The following NAALADL2 variants were observed in gnomAD, a reference collection of about 807,000 sequenced individuals.
The protein encoded by NAALADL2 is inactive N-acetylated-alpha-linked acidic dipeptidase-like protein 2.
A neutral mutation model predicts 87.2 loss-of-function variants in NAALADL2; 76 were observed. The ratio of observed to expected loss-of-function variants is 0.87; its 90% CI spans 0.72 to 1.05. The LOEUF is 1.05. Ranked by LOEUF, NAALADL2 falls within the 50% of genes least tolerant of loss-of-function variation. The pLI is 0.00. For missense variants in NAALADL2, 1,089 were observed against 945.8 expected (o/e 1.15, Z -1.99); for synonymous variants, 354 against 331.0 (o/e 1.07, Z -0.75).
chr3:174,744,704 C>T (rs1317734145), intron 3 of NAALADL2, among the ~76,000 whole-genome samples: 1 of 152,000 alleles, frequency 6.6e-6, no homozygotes, highest in Non-Finnish European at 1.5e-5. Context: ...TGGAAGTAAA[C>T]ACTCCTCAGC....
At chr3:175,520,337 G>A (rs1249241473) in intron 9 of NAALADL2, among the ~76,000 whole-genome samples, 1 of 130,160 alleles carries the variant, frequency 7.7e-6, no homozygotes, top group African/African-American at 2.9e-5. Context: ...TGTCGCCCAG[G>A]CCAGACTGCG....
chr3:175,364,654 C>G (rs1419379978), intron 5 of NAALADL2, among the ~76,000 whole-genome samples: 1 of 147,756 alleles, frequency 6.8e-6, no homozygotes, highest in East Asian at 2.0e-4. Flanking sequence ...CCCACCAGTT[C>G]CTTCTTGCCT....
chr3:174,984,607 C>T (rs1271727217), intron 1 of NAALADL2, among the ~76,000 whole-genome samples: 1 of 152,082 alleles, frequency 6.6e-6, no homozygotes, highest in Non-Finnish European at 1.5e-5. Context: ...AATTTGAACA[C>T]ATCTGAAATG....
chr3:174,641,916 C>G (rs1258446639), intron 2 of NAALADL2, among the ~76,000 whole-genome samples: 2 of 152,010 alleles, frequency 1.3e-5, no homozygotes, highest in Admixed American at 6.6e-5. Context: ...GCCACTACGC[C>G]CAGCTGACTT....
chr3:175,649,720 T>A (rs1730493227), intron 11 of NAALADL2, among the ~76,000 whole-genome samples: 1 of 152,180 alleles, frequency 6.6e-6, no homozygotes, highest in African/African-American at 2.4e-5. Context: ...CCCAGACTTA[T>A]TACCTTACTT....
chr3:175,355,172 G>T (rs1015891665), intron 5 of NAALADL2, among the ~76,000 whole-genome samples: 1 of 151,314 alleles, frequency 6.6e-6, no homozygotes, highest in South Asian at 2.1e-4. Context: ...GGGTTCAAGC[G>T]ATTCTCCTGC....
intron 9 of NAALADL2, among the ~76,000 whole-genome samples, chr3:175,493,473 C>G (rs767755408): frequency 1.3e-5 from 2 of 152,058 alleles, no homozygotes; most frequent in Non-Finnish European, 2.9e-5. Flanking sequence ...ATTTACTGCT[C>G]AAGTTAATCC....
chr3:174,467,596 TAAA>T (rs58227642), intron 1 of NAALADL2, among the ~76,000 whole-genome samples: 17,769 of 58,174 alleles, frequency 0.31, 1,229 homozygotes, highest in South Asian at 0.41. Flanking sequence ...CCATCTCAGT[TAAA>T]AAAAAAAAAA....
intron 1 of NAALADL2, among the ~76,000 whole-genome samples, chr3:175,090,864 T>TATCGTC (rs138462266): frequency 1.3e-5 from 2 of 151,042 alleles, no homozygotes; most frequent in Non-Finnish European, 3.0e-5. Context: ...AACAAATAAT[T>TATCGTC]ATTTCTTTTA....
chr3:174,489,042 A>G (rs1329607595), intron 1 of NAALADL2, among the ~76,000 whole-genome samples: 2 of 152,082 alleles, frequency 1.3e-5, no homozygotes, highest in African/African-American at 2.4e-5. Flanking sequence ...TCATTGCCAC[A>G]TTGTATCTGT....
intron 3 of NAALADL2, among the ~76,000 whole-genome samples, chr3:174,802,029 T>C (rs193207270): frequency 3.9e-5 from 6 of 152,222 alleles, no homozygotes; most frequent in Non-Finnish European, 7.4e-5. Context: ...AATACCACAA[T>C]TGGCATTTTC....
chr3:175,460,904 G>A (rs997646804), intron 6 of NAALADL2, among the ~76,000 whole-genome samples: 1 of 152,212 alleles, frequency 6.6e-6, no homozygotes, highest in Non-Finnish European at 1.5e-5. Flanking sequence ...AGTGTGGAAA[G>A]TGACCCAAGC....
chr3:174,466,517 G>A (rs1370337907), intron 1 of NAALADL2, among the ~76,000 whole-genome samples: 1 of 152,108 alleles, frequency 6.6e-6, no homozygotes, highest in Admixed American at 6.5e-5. Flanking sequence ...TGGATTTCAG[G>A]TGACCACTAG....
At chr3:175,563,811 C>A (rs1716667481) in intron 9 of NAALADL2, among the ~76,000 whole-genome samples, 1 of 152,132 alleles carries the variant, frequency 6.6e-6, no homozygotes, top group Admixed American at 6.5e-5. Context: ...GAAATCTAAA[C>A]CTTCAAGGAT....
intron 11 of NAALADL2, among the ~76,000 whole-genome samples, chr3:175,715,554 C>T (rs749042935): frequency 5.3e-5 from 8 of 151,966 alleles, no homozygotes; most frequent in Non-Finnish European, 7.4e-5. Flanking sequence ...AATGTTAGGA[C>T]GTCAAAAATT....
chr3:174,687,291 T>C (rs1466472777), intron 2 of NAALADL2, among the ~76,000 whole-genome samples: 2 of 152,156 alleles, frequency 1.3e-5, no homozygotes, highest in Admixed American at 1.3e-4. Context: ...TCTTCAGGTA[T>C]CTATGCTTCC....
At chr3:175,671,041 G>T (rs1733938901) in intron 11 of NAALADL2, among the ~76,000 whole-genome samples, 1 of 151,442 alleles carries the variant, frequency 6.6e-6, no homozygotes, top group South Asian at 2.1e-4. Flanking sequence ...AAAAATTTTA[G>T]ACCCTAAACA....
chr3:174,906,975 T>C (rs978757496), intron 1 of NAALADL2, among the ~76,000 whole-genome samples: 3 of 152,062 alleles, frequency 2.0e-5, no homozygotes, highest in African/African-American at 7.3e-5. Flanking sequence ...TTACTTCAAA[T>C]CCTTTTTAAA....
intron 2 of NAALADL2, among the ~76,000 whole-genome samples, chr3:175,181,303 C>T (rs1736428460): frequency 6.6e-6 from 1 of 151,842 alleles, no homozygotes; most frequent in African/African-American, 2.4e-5. Context: ...AAATCATAGT[C>T]ATATATAAAT....
Sources: allele counts gnomAD v4.1 joint callset (sites outside exome capture counted in the v4.1 genomes callset), GRCh38; gene constraint gnomAD v4.1.1; transcripts MANE v1.5; gene names NCBI Gene and HGNC (gene_info 2026-07-23, HGNC 2026-07-21).